The following TIGAR variants were observed in gnomAD, a reference collection of about 807,000 sequenced individuals.
TIGAR encodes fructose-2,6-bisphosphatase TIGAR.
In TIGAR, 7 loss-of-function variants were observed where a neutral mutation model predicts 17.9. That is an observed-to-expected ratio of 0.39 (90% CI 0.22 to 0.73). TIGAR has a LOEUF of 0.73. TIGAR is among the 30% of genes least tolerant of loss of function. The probability of loss-of-function intolerance (pLI) is 0.42; values close to 1 mark genes in which losing one functional copy is unlikely to be tolerated. For missense variants in TIGAR, 258 were observed against 327.4 expected (o/e 0.79, Z 1.64); for synonymous variants, 94 against 108.6 (o/e 0.87, Z 0.84).
At chr12:4,334,059 C>G (rs1565447095) in intron 2 of TIGAR, among the ~76,000 whole-genome samples, 1 of 144,614 alleles carries the variant, frequency 6.9e-6, no homozygotes, top group Non-Finnish European at 1.5e-5. Context: ...GGTTTTTTTC[C>G]TGTTCCACAC....
At chr12:4,338,501 G>A (rs1426881199) in intron 3 of TIGAR, among the ~76,000 whole-genome samples, 4 of 152,168 alleles carry the variant, frequency 2.6e-5, no homozygotes, top group African/African-American at 9.7e-5. Context: ...TTGTGGGGCA[G>A]AGTAATGGAA....
Position 4,355,861 on chromosome 12 carries a change from A to C in TIGAR, c.*3170A>C, listed in dbSNP as rs1591667886. 6.6e-6 allele frequency among the ~76,000 whole-genome samples: 1 copy of C among 152,242 alleles called. No individual in the cohort carries two copies. Among genetic ancestry groups the C allele is most frequent in the Non-Finnish European group, 1.5e-5 (1 of 67,994 alleles). ...CGATGGTGTCAGCACTGAAGGATGT[A>C]AGATCTGCTGCTCTGGGGAGAGGAG... is the stretch of plus-strand genomic sequence containing the variant. On this transcript the variant is annotated 3_prime_UTR_variant, in exon 6 of 6. Coordinates refer to ENST00000179259, the MANE Select transcript of TIGAR (RefSeq NM_020375.3).
In TIGAR at chr12:4,354,896, CTTT is replaced by C. The variant is rs34361486; in HGVS notation, c.*2217_*2219del. On this transcript the variant is annotated 3_prime_UTR_variant, in exon 6 of 6. Transcript: ENST00000179259. ...ACAGGCATGCACCACCACGCCTGGC[CTTT>C]TTTTTTTTTTTAGTAGAGACGGGGT... Among the ~76,000 whole-genome samples, 2 of 139,996 alleles carry C rather than the reference CTTT, an allele frequency of 1.4e-5. No individual in the cohort carries two copies. Among genetic ancestry groups the C allele is most frequent in the Non-Finnish European group, 1.6e-5 (1 of 64,346 alleles). 91.8% of individuals were successfully genotyped at this position (139,996 alleles called of 152,430 possible). A position where few individuals can be genotyped will look rare whatever the true frequency, so the allele number is the denominator to read the frequency against.
intron 1 of TIGAR, among the ~76,000 whole-genome samples, chr12:4,323,534 T>G (rs577820489): frequency 3.3e-5 from 5 of 152,200 alleles, no homozygotes; most frequent in Admixed American, 2.6e-4. Context: ...AGGACTGATA[T>G]CCTCATTTTT....
At chr12:4,328,029 T>C (rs1215022157) in intron 1 of TIGAR, among the ~76,000 whole-genome samples, 1 of 152,158 alleles carries the variant, frequency 6.6e-6, no homozygotes, top group African/African-American at 2.4e-5. Flanking sequence ...ATTTTGAGGC[T>C]GAGACAGGAA....
chr12:4,326,439 A>T (rs1030273915), intron 1 of TIGAR, among the ~76,000 whole-genome samples: 1 of 152,238 alleles, frequency 6.6e-6, no homozygotes, highest in Non-Finnish European at 1.5e-5. Context: ...TGTACAACTA[A>T]ATATTTATGA....
chr12:4,340,522 C>T (rs568967597), intron 3 of TIGAR, among the ~76,000 whole-genome samples: 2 of 152,194 alleles, frequency 1.3e-5, no homozygotes, highest in African/African-American at 4.8e-5. Context: ...ATACCAATGA[C>T]ATTCTTCACA....
At chr12:4,333,294 CT>C (rs34834660) in intron 2 of TIGAR, among the ~76,000 whole-genome samples, 76 of 142,974 alleles carry the variant, frequency 5.3e-4, no homozygotes, top group Admixed American at 4.9e-4. Context: ...TATAAGTTGT[CT>C]TTTTTTTTTT....
In TIGAR at chr12:4,358,778, G is replaced by A. The variant is rs1346816215; in HGVS notation, c.*6087G>A. 6.8e-6 allele frequency among the ~76,000 whole-genome samples: 1 copy of A among 147,858 alleles called. No individual in the cohort carries two copies. The highest frequency in any genetic ancestry group is 1.5e-5 in the Non-Finnish European group (1 of 67,308). On this transcript the variant is annotated 3_prime_UTR_variant, in exon 6 of 6. Transcript: ENST00000179259. ...CAATCAATCCAGGACTGTGTGTTGT[G>A]TTGCATTTAGTTGTCATGTTTCTTC...
intron 1 of TIGAR, among the ~76,000 whole-genome samples, chr12:4,327,693 C>T (rs972981849): frequency 1.3e-5 from 2 of 152,120 alleles, no homozygotes; most frequent in Non-Finnish European, 2.9e-5. Flanking sequence ...CACTGTCTAG[C>T]GAGGATGTTA....
At chr12:4,322,004 T>C (rs12301353) in intron 1 of TIGAR, among the ~76,000 whole-genome samples, 1 of 48,860 alleles carries the variant, frequency 2.0e-5, no homozygotes, top group Admixed American at 2.2e-4. Context: ...TTTTATTTTT[T>C]TTTTTTTGTG....
intron 2 of TIGAR, among the ~76,000 whole-genome samples, chr12:4,334,633 C>T (rs1224488898): frequency 1.3e-5 from 2 of 152,144 alleles, no homozygotes; most frequent in African/African-American, 4.8e-5. Flanking sequence ...AATATATTTG[C>T]AAGTTTCTCT....
intron 3 of TIGAR, 82 bp downstream of exon 3, chr12:4,337,242 C>A: frequency 9.9e-7 from 1 of 1,009,310 alleles, no homozygotes; most frequent in South Asian, 2.0e-5. Context: ...TCTCTGTTCA[C>A]TGCAACCTCC....
Position 4,359,409 on chromosome 12 carries a change from G to C in TIGAR, c.*6718G>C, listed in dbSNP as rs557355990. 6.6e-6 allele frequency among the ~76,000 whole-genome samples: 1 copy of C among 151,856 alleles called. No homozygotes were observed. Among genetic ancestry groups the C allele is most frequent in the South Asian group, 2.1e-4 (1 of 4,804 alleles). ...AATATGCTCCAGACTCATTCTTCCC[G>C]AGCCCCAGCCCCAGAATCAGCTTTT... On this transcript the variant is annotated 3_prime_UTR_variant, in exon 6 of 6. Transcript: ENST00000179259.
Position 4,358,868 on chromosome 12 carries a change from C to G in TIGAR, c.*6177C>G, listed in dbSNP as rs748865474. Among the ~76,000 whole-genome samples, 9 of 152,034 alleles carry G rather than the reference C, an allele frequency of 5.9e-5. No individual in the cohort carries two copies. The highest frequency in any genetic ancestry group is 8.8e-5 in the Non-Finnish European group (6 of 68,008). On this transcript the variant is annotated 3_prime_UTR_variant, in exon 6 of 6. Coordinates refer to ENST00000179259, the MANE Select transcript of TIGAR (RefSeq NM_020375.3). ...TTTTTTTCTCCCACCATCTATCTAA[C>G]CAGATGAACTTTGTCTTTCTTGATC...
intron 3 of TIGAR, among the ~76,000 whole-genome samples, chr12:4,344,053 A>C (rs985987477): frequency 3.3e-5 from 5 of 152,140 alleles, no homozygotes; most frequent in Non-Finnish European, 4.4e-5. Context: ...ATATCACCAC[A>C]GATCCCACAG....
In TIGAR at chr12:4,356,100, T is replaced by A. The variant is rs189041360; in HGVS notation, c.*3409T>A. On this transcript the variant is annotated 3_prime_UTR_variant, in exon 6 of 6. Coordinates refer to ENST00000179259, the MANE Select transcript of TIGAR (RefSeq NM_020375.3). ...ACTTGTTTCAGCAGGACCATCCTGC[T>A]TGCAATGTGGAGAGCAGGCTGTAGG... 3.6e-3 allele frequency among the ~76,000 whole-genome samples: 549 copies of A among 152,294 alleles called. 18 individuals carry two copies. The highest frequency in any genetic ancestry group is 0.033 in the Admixed American group (506 of 15,304).
intron 1 of TIGAR, among the ~76,000 whole-genome samples, chr12:4,331,071 A>C (rs572435365): frequency 6.6e-6 from 1 of 152,216 alleles, no homozygotes; most frequent in Non-Finnish European, 1.5e-5. Flanking sequence ...TTTAGTTTGG[A>C]GTAGTTTGAA....
At position 4,356,361 on chromosome 12, in the gene TIGAR, TG is replaced by T. The variant is rs1864901401; in HGVS notation, c.*3671del. Among the ~76,000 whole-genome samples, 1 of 152,230 alleles carries T rather than the reference TG, an allele frequency of 6.6e-6. No individual in the cohort carries two copies. The highest frequency in any genetic ancestry group is 2.4e-5 in the African/African-American group (1 of 41,456). ...GTCTTTTATGCAATGATATTTTATTTGTAATATTTTCCCGGTTTTTGATTGT... is the reference window on the plus strand; with the variant it reads ...GTCTTTTATGCAATGATATTTTATTTTAATATTTTCCCGGTTTTTGATTGT... On this transcript the variant is annotated 3_prime_UTR_variant, in exon 6 of 6. Transcript: ENST00000179259.
Sources: gnomAD v4.1 joint callset for allele counts (sites outside exome capture counted in the v4.1 genomes callset) on GRCh38, gnomAD v4.1.1 for gene constraint, MANE v1.5 for transcripts, NCBI Gene and HGNC (gene_info 2026-07-23, HGNC 2026-07-21) for gene names.